The following UGGT2 variants were observed in gnomAD, a reference collection of about 807,000 sequenced individuals.
The protein encoded by UGGT2 is UDP-glucose glycoprotein glucosyltransferase 2.
In UGGT2, 180 loss-of-function variants were observed where a neutral mutation model predicts 192.1. The observed-to-expected ratio is 0.94, with a 90% CI of 0.83 to 1.06. The LOEUF is 1.06. UGGT2 is among the 50% of genes least tolerant of loss of function. The pLI, the probability that UGGT2 is intolerant of heterozygous loss-of-function variation, is 0.00. For synonymous variants in UGGT2, 580 were observed against 591.0 expected, an observed-to-expected ratio of 0.98 and a Z score of 0.27; for missense variants, 1,849 against 1,795.7, an observed-to-expected ratio of 1.03 and a Z score of -0.54.
At chr13:95,921,990 G>T (rs1466466327) in intron 20 of UGGT2, among the ~76,000 whole-genome samples, 1 of 152,124 alleles carries the variant, frequency 6.6e-6, no homozygotes, top group Non-Finnish European at 1.5e-5. Context: ...GTTTATCACA[G>T]TACTATTCAC....
At chr13:95,860,686 G>T (rs1050421553) in intron 32 of UGGT2, 102 bp downstream of exon 32, 2 of 605,114 alleles carry the variant, frequency 3.3e-6, no homozygotes, top group Non-Finnish European at 5.2e-6. Context: ...AAACAGAGGT[G>T]GGAGTTTTTT....
intron 38 of UGGT2, among the ~76,000 whole-genome samples, chr13:95,806,424 T>G (rs1884308564): frequency 6.6e-6 from 1 of 152,092 alleles, no homozygotes; most frequent in Non-Finnish European, 1.5e-5. Context: ...GGAGAATTGG[T>G]GTTAGAAAAA....
chr13:95,859,610 T>C lies in UGGT2; in HGVS notation c.3806A>G (p.Tyr1269Cys), dbSNP rs756634266. The change falls in exon 33 of 39, where the codon TAT becomes TGT. Residue 1269 changes from tyrosine to cysteine, a missense_variant. By Grantham distance (194) the Tyr-to-Cys change is radical (BLOSUM62 -2). Transcript: ENST00000376747. ...ACTTACTTTAAATGTCGGTGAGAGA[T>C]AATTTTTTAGCAACCAGAATTTCAC... ...TPVKFWLLKN[Y>C]LSPTFKEVIP... 3.9e-5 allele frequency: 63 copies of C among 1,610,144 alleles called. No individual in the cohort carries two copies. In the South Asian group the frequency reaches 6.3e-4, roughly 16 times the overall value.
chr13:96,052,799 A>C (rs1168925785), intron 1 of UGGT2, among the ~76,000 whole-genome samples: 1 of 152,242 alleles, frequency 6.6e-6, no homozygotes, highest in Admixed American at 6.5e-5. Flanking sequence ...CATCATTACG[A>C]AACTAGGTAC....
chr13:95,926,546 T>TA (rs1231852339), intron 19 of UGGT2, among the ~76,000 whole-genome samples: 2 of 152,340 alleles, frequency 1.3e-5, no homozygotes, highest in Admixed American at 6.5e-5. Flanking sequence ...TCTGAATAGT[T>TA]AATTGTACCC....
intron 10 of UGGT2, chr13:95,983,575 C>A: frequency 1.7e-6 from 1 of 604,610 alleles, no homozygotes. Context: ...CATACTACCT[C>A]GGAAGAAATT....
intron 22 of UGGT2, among the ~76,000 whole-genome samples, chr13:95,899,089 T>C (rs1166459308): frequency 6.6e-6 from 1 of 152,238 alleles, no homozygotes; most frequent in African/African-American, 2.4e-5. Flanking sequence ...AGTTCAAGAC[T>C]GAAGGGAGCA....
chr13:95,809,950 A>G (rs1379654426), intron 38 of UGGT2, among the ~76,000 whole-genome samples: 1 of 152,240 alleles, frequency 6.6e-6, no homozygotes, highest in Non-Finnish European at 1.5e-5. Context: ...TGCATTTTTA[A>G]TATGAGATAA....
intron 15 of UGGT2, 75 bp from the exon 16 acceptor site, chr13:95,940,166 A>G (rs990569302): frequency 7.7e-6 from 9 of 1,164,328 alleles, no homozygotes; most frequent in Non-Finnish European, 1.0e-5. Context: ...TAGCATGCAG[A>G]TAGATTTTTA....
At chr13:95,837,227 T>C (rs1315494296) in intron 36 of UGGT2, 25 bp from the exon 37 acceptor site, 6 of 1,518,088 alleles carry the variant, frequency 4.0e-6, no homozygotes, top group South Asian at 1.1e-5. Flanking sequence ...GATTTAATCA[T>C]AGACGTATGA....
intron 22 of UGGT2, among the ~76,000 whole-genome samples, chr13:95,896,976 T>C (rs1322408396): frequency 6.6e-6 from 1 of 152,120 alleles, no homozygotes; most frequent in Non-Finnish European, 1.5e-5. Flanking sequence ...GCTAAAAATG[T>C]CTCTCTACTC....
chr13:95,910,923 G>T (rs915940220), intron 20 of UGGT2, among the ~76,000 whole-genome samples: 1 of 152,124 alleles, frequency 6.6e-6, no homozygotes, highest in African/African-American at 2.4e-5. Context: ...TAGAACTCAG[G>T]ATTAAGAAAC....
chr13:96,000,050 C>T (rs1197829078), intron 5 of UGGT2, among the ~76,000 whole-genome samples: 1 of 152,178 alleles, frequency 6.6e-6, no homozygotes, highest in South Asian at 2.1e-4. Flanking sequence ...GATGAACACA[C>T]ATAATAGTTT....
At position 95,850,207 on chromosome 13, in the gene UGGT2, C is replaced by T. The variant is rs544216568; in HGVS notation, c.4284+3336G>A. Among the ~76,000 whole-genome samples, 483 of 152,062 alleles carry T rather than the reference C, an allele frequency of 3.2e-3. 3 individuals carry two copies. The highest frequency in any genetic ancestry group is 0.011 in the African/African-American group (460 of 41,480). ...TGAATATATTCCAACCATAGGCTAC[C>T]TTTCTTTCTGTACAAACTGAATAAT... On this transcript the variant is annotated intron_variant, in intron 36 of 38. Coordinates refer to ENST00000376747, the MANE Select transcript of UGGT2 (RefSeq NM_020121.4).
intron 36 of UGGT2, among the ~76,000 whole-genome samples, chr13:95,839,990 G>A (rs932110409): frequency 5.9e-5 from 9 of 152,034 alleles, no homozygotes; most frequent in East Asian, 1.9e-4. Context: ...GACATATTTC[G>A]TATTTAAATG....
intron 26 of UGGT2, 35 bp from the exon 27 acceptor site, chr13:95,884,715 A>C (rs1166180731): frequency 6.5e-6 from 10 of 1,537,580 alleles, no homozygotes; most frequent in Non-Finnish European, 8.8e-6. Context: ...TAATGTGACC[A>C]AAACTGAGAT....
chr13:95,997,853 G>A (rs187700101), intron 6 of UGGT2, among the ~76,000 whole-genome samples: 1 of 152,294 alleles, frequency 6.6e-6, no homozygotes, highest in Admixed American at 6.5e-5. Context: ...ACACAAATTA[G>A]AGAGGGCTGA....
chr13:95,915,817 T>A (rs1008384165), intron 20 of UGGT2, among the ~76,000 whole-genome samples: 1 of 152,156 alleles, frequency 6.6e-6, no homozygotes, highest in African/African-American at 2.4e-5. Context: ...AGGACCCCAA[T>A]CCATTCCTCC....
chr13:95,908,665 T>C (rs2048371064), intron 20 of UGGT2, among the ~76,000 whole-genome samples: 2 of 148,718 alleles, frequency 1.3e-5, no homozygotes, highest in Non-Finnish European at 1.5e-5. Flanking sequence ...GGTATCTCAT[T>C]GTGGTTTTGA....
Sources: allele counts gnomAD v4.1 joint callset (sites outside exome capture counted in the v4.1 genomes callset), GRCh38; gene constraint gnomAD v4.1.1; transcripts MANE v1.5; gene names NCBI Gene and HGNC (gene_info 2026-07-23, HGNC 2026-07-21).